ACTN2: variants seen among roughly 807,000 people sequenced by gnomAD.
The protein encoded by ACTN2 is alpha-actinin-2.
In ACTN2, 39 loss-of-function variants were observed where a neutral mutation model predicts 113.8. The observed-to-expected ratio is 0.34, with a 90% CI of 0.27 to 0.45. ACTN2 has a LOEUF of 0.45. ACTN2 is among the 20% of genes least tolerant of loss of function. The probability of loss-of-function intolerance (pLI) is 1.00; values close to 1 mark genes in which losing one functional copy is unlikely to be tolerated. For synonymous variants in ACTN2, 429 were observed against 444.1 expected, an observed-to-expected ratio of 0.97 and a Z score of 0.43; for missense variants, 992 against 1,177.9, an observed-to-expected ratio of 0.84 and a Z score of 2.31.
chr1:236,738,413 A>G (rs1167981834), intron 9 of ACTN2, among the ~76,000 whole-genome samples: 1 of 152,272 alleles, frequency 6.6e-6, no homozygotes. Context: ...TACTGAGTTC[A>G]TATCTTCATA....
At chr1:236,708,575 C>T (rs991866261) in intron 1 of ACTN2, among the ~76,000 whole-genome samples, 4 of 152,274 alleles carry the variant, frequency 2.6e-5, no homozygotes, top group Admixed American at 1.3e-4. Context: ...ACTCTCTAAA[C>T]GTTTTTCAAG....
rs1803032 is a variant in ACTN2, at chr1:236,763,145, T to C, written c.*526T>C. ...GATTACTATTGTATCTTCAAATGAA[T>C]TTAATATTGTGAGATGGAACTGCCG... On this transcript the variant is annotated 3_prime_UTR_variant, in exon 21 of 21. Coordinates refer to ENST00000366578, the MANE Select transcript of ACTN2 (RefSeq NM_001103.4). 0.67 allele frequency: 107,859 copies of C among 160,716 alleles called. 37,030 individuals are homozygous for C. The highest frequency in any genetic ancestry group is 0.75 in the Non-Finnish European group (54,996 of 73,016). The allele number at this position is 160,716 out of a possible 1,614,324, so 10.0% of individuals were successfully genotyped here.
intron 1 of ACTN2, among the ~76,000 whole-genome samples, chr1:236,708,124 T>C (rs1657890615): frequency 6.6e-6 from 1 of 152,006 alleles, no homozygotes; most frequent in Admixed American, 6.6e-5. Context: ...GCCTGTGTTT[T>C]TTTAGGGATT....
intron 18 of ACTN2, among the ~76,000 whole-genome samples, chr1:236,758,223 G>A (rs547922642): frequency 2.6e-5 from 4 of 151,426 alleles, no homozygotes; most frequent in African/African-American, 9.7e-5. Context: ...TTCTTTATGA[G>A]AAAATACTAT....
chr1:236,755,326 T>A, intron 17 of ACTN2, 128 bp downstream of exon 17: 1 of 1,086,164 alleles, frequency 9.2e-7, no homozygotes, highest in Non-Finnish European at 1.4e-6. Context: ...AAGTTAGGGA[T>A]CTTTAAGCCT....
At chr1:236,733,745 TC>T (rs1658781853) in intron 7 of ACTN2, among the ~76,000 whole-genome samples, 1 of 152,156 alleles carries the variant, frequency 6.6e-6, no homozygotes, top group Non-Finnish European at 1.5e-5. Flanking sequence ...TAATGTCAGG[TC>T]CAGGTCTCCT....
In ACTN2 at chr1:236,751,569, A is replaced by T; in HGVS notation, c.1756A>T (p.Ile586Phe). The change falls in exon 15 of 21, where the codon ATT (isoleucine) becomes TTT (phenylalanine). Residue 586 changes from isoleucine to phenylalanine, a missense_variant. Physicochemically the swap from Ile to Phe is conservative, Grantham distance 21 (BLOSUM62 0). Around this residue, in one of 3 missense-constraint regions of ACTN2, gnomAD observed 736 missense variants for 815.4 expected, o/e 0.90. Transcript: ENST00000366578. ...CATCCAGAACGAGGTGGAGAAGGTG[A>T]TTCAGAGCTACAACATCAGAATCAG... ...MAIQNEVEKV[I>F]QSYNIRISSS... is the part of the protein sequence containing the mutation. The T allele has an allele frequency of 6.2e-7, 1 of 1,614,070 alleles. No individual in the cohort carries two copies. The highest frequency in any genetic ancestry group is 1.3e-5 in the African/African-American group (1 of 75,014).
At position 236,720,155 on chromosome 1, in the gene ACTN2, A is replaced by G; in HGVS notation, c.412A>G (p.Ile138Val). 1 of 1,613,920 alleles carries G rather than the reference A, an allele frequency of 6.2e-7. No individual in the cohort carries two copies. Among genetic ancestry groups the G allele is most frequent in the Non-Finnish European group, 8.5e-7 (1 of 1,179,782 alleles). The change falls in exon 4 of 21, where the codon ATC (isoleucine) becomes GTC (valine). Residue 138 changes from isoleucine to valine, a missense_variant. Ile to Val is a conservative substitution (Grantham distance 29, BLOSUM62 3). This residue lies in a region of ACTN2 where 220 missense variants were observed against 337.5 expected (regional missense o/e 0.65). Transcript: ENST00000366578. ...GACCCTGGGTATGATCTGGACCATC[A>G]TCCTTCGCTTTGCTATTCAGGATAT... ...KMTLGMIWTI[I>V]LRFAIQDISV...
At chr1:236,728,114 C>G (rs984216997) in intron 6 of ACTN2, among the ~76,000 whole-genome samples, 1 of 147,834 alleles carries the variant, frequency 6.8e-6, no homozygotes, top group African/African-American at 2.5e-5. Context: ...TCTATTTTTG[C>G]GGGGAAGAAA....
At chr1:236,689,496 G>A (rs1003375240) in intron 1 of ACTN2, among the ~76,000 whole-genome samples, 2 of 151,666 alleles carry the variant, frequency 1.3e-5, no homozygotes, top group African/African-American at 2.4e-5. Context: ...GTCAAGGCAT[G>A]CACCACCACA....
rs1659584316 is a variant in ACTN2 at position 236,757,522 on chromosome 1, A to G, written c.2191A>G (p.Ile731Val). The change falls in exon 18 of 21, where the codon ATC becomes GTC. Residue 731 changes from isoleucine (I) to valine (V), a missense_variant. Around this residue, in one of 3 missense-constraint regions of ACTN2, gnomAD observed 736 missense variants for 815.4 expected, o/e 0.90. Transcript: ENST00000366578. ...RVGWELLLTTIARTINEVETQ... is the reference protein window; with the variant it reads ...RVGWELLLTTVARTINEVETQ... ...TGGATGGGAGCTGCTGCTGACAACC[A>G]TCGCCAGAACCATCAATGAGGTGGA... The G allele has an allele frequency of 6.2e-7, 1 of 1,614,168 alleles. No homozygotes were observed.
At chr1:236,760,861 AG>A (rs1470298546) in intron 19 of ACTN2, among the ~76,000 whole-genome samples, 153 bp from the exon 20 acceptor site, 1 of 152,200 alleles carries the variant, frequency 6.6e-6, no homozygotes, top group African/African-American at 2.4e-5. Flanking sequence ...GTCACCCTTA[AG>A]GGGAATCTTG....
rs376350130 is a variant in ACTN2 at position 236,741,101 on chromosome 1, G to A, written c.1107+1569G>A. ...GCTCTGTCACCCAGATTGGAGTGCA[G>A]TGGCACAATCACAGCTCACTGCAGC... On this transcript the variant is annotated intron_variant, in intron 10 of 20. Coordinates refer to ENST00000366578, the MANE Select transcript of ACTN2 (RefSeq NM_001103.4). Among the ~76,000 whole-genome samples the A allele has an allele frequency of 2.6e-5, 4 of 152,238 alleles. No individual in the cohort carries two copies. The South Asian group carries it at 6.2e-4, about 24-fold the overall frequency.
Position 236,694,780 on chromosome 1 carries a change from C to T in ACTN2, c.126+7981C>T, listed in dbSNP as rs191491910. 2.3e-3 allele frequency among the ~76,000 whole-genome samples: 355 copies of T among 152,162 alleles called. 3 individuals carry two copies. Among genetic ancestry groups the T allele is most frequent in the African/African-American group, 8.2e-3 (340 of 41,492 alleles). On this transcript the variant is annotated intron_variant, in intron 1 of 20. Transcript: ENST00000366578. ...GATTTTTATTGTAAGTCTGAGCTGT[C>T]GAGGCCGGGTGTGGTGGCTCATGCC...
intron 1 of ACTN2, among the ~76,000 whole-genome samples, chr1:236,716,582 G>A (rs1008953241): frequency 1.3e-5 from 2 of 152,102 alleles, no homozygotes; most frequent in African/African-American, 4.8e-5. Flanking sequence ...CCAAAGGCAG[G>A]GTTGAATATA....
Position 236,721,015 on chromosome 1 carries a change from G to GGTA in ACTN2, c.448+824_448+825insGTA. On this transcript the variant is annotated intron_variant, in intron 4 of 20. Transcript: ENST00000366578. The stretch of plus-strand genomic sequence containing the variant: ...ACAGTAGCCTCTGACTCTGGTTTTT[G>GGTA]TTTTTTGTTTTTTTTTTTTTTTTTT... Among the ~76,000 whole-genome samples the GGTA allele has an allele frequency of 4.1e-5, 2 of 49,138 alleles. 1 individual carries two copies. Among genetic ancestry groups the GGTA allele is most frequent in the Non-Finnish European group, 6.8e-5 (2 of 29,432 alleles). The allele number at this position is 49,138 out of a possible 152,430, so 32.2% of individuals were successfully genotyped here.
intron 17 of ACTN2, 97 bp from the exon 18 acceptor site, chr1:236,757,388 TA>T: frequency 1.4e-6 from 2 of 1,480,374 alleles, no homozygotes; most frequent in East Asian, 2.3e-5. Flanking sequence ...CCCTGCTTAG[TA>T]AGCCCTTTGA....
chr1:236,697,498 G>T (rs1342159041), intron 1 of ACTN2, among the ~76,000 whole-genome samples: 1 of 152,164 alleles, frequency 6.6e-6, no homozygotes, highest in Non-Finnish European at 1.5e-5. Flanking sequence ...TAAGACTAGA[G>T]GACTCCTAGA....
chr1:236,709,359 C>CAT (rs1558227729), intron 1 of ACTN2, among the ~76,000 whole-genome samples: 1 of 110,664 alleles, frequency 9.0e-6, no homozygotes, highest in African/African-American at 4.2e-5. Flanking sequence ...TATATATATA[C>CAT]GTGTGTGTGT....
Sources: allele counts gnomAD v4.1 joint callset (sites outside exome capture counted in the v4.1 genomes callset), GRCh38; gene constraint gnomAD v4.1.1; regional missense constraint gnomAD v4.1.1; transcripts MANE v1.5; gene names NCBI Gene and HGNC (gene_info 2026-07-23, HGNC 2026-07-21).